TRAPPC10: variants seen among roughly 807,000 people sequenced by gnomAD.
TRAPPC10 encodes the protein trafficking protein particle complex subunit 10.
Under a neutral mutation model 125.5 loss-of-function variants are expected in TRAPPC10, and 23 were observed. The observed-to-expected ratio is 0.18, with a 90% confidence interval of 0.13 to 0.26. TRAPPC10 has a LOEUF of 0.26. TRAPPC10 is among the 10% of genes least tolerant of loss of function. The pLI is 1.00. For synonymous variants in TRAPPC10, 509 were observed against 518.0 expected (o/e 0.98, Z 0.24); for missense variants, 1,123 against 1,308.4 (o/e 0.86, Z 2.19).
At chr21:44,080,255 C>A in intron 13 of TRAPPC10, 128 bp downstream of exon 13, 3 of 772,518 alleles carry the variant, frequency 3.9e-6, no homozygotes, top group Non-Finnish European at 6.2e-6. Flanking sequence ...TGACATGTAT[C>A]TATGTCTTTC....
intron 3 of TRAPPC10, among the ~76,000 whole-genome samples, chr21:44,049,935 A>T (rs1354942462): frequency 1.3e-5 from 2 of 151,234 alleles, no homozygotes; most frequent in Non-Finnish European, 2.9e-5. Flanking sequence ...GATGGAATGC[A>T]GTGGCATGAT....
intron 1 of TRAPPC10, among the ~76,000 whole-genome samples, chr21:44,014,197 T>C (rs1465913918): frequency 6.6e-6 from 1 of 152,236 alleles, no homozygotes; most frequent in African/African-American, 2.4e-5. Context: ...CTAAGCTCTA[T>C]TGGATTCAAC....
intron 11 of TRAPPC10, 80 bp from the exon 12 acceptor site, chr21:44,079,484 G>A: frequency 2.0e-6 from 3 of 1,499,462 alleles, no homozygotes; most frequent in Non-Finnish European, 2.7e-6. Flanking sequence ...GAGGATGGAG[G>A]CCAAAGCGGG....
chr21:44,033,125 G>A (rs780487668), intron 2 of TRAPPC10, among the ~76,000 whole-genome samples: 32 of 152,200 alleles, frequency 2.1e-4, no homozygotes, highest in Non-Finnish European at 4.1e-4. Flanking sequence ...TTGTGTATAT[G>A]TAAATGTAAA....
intron 7 of TRAPPC10, among the ~76,000 whole-genome samples, chr21:44,069,503 G>T (rs993084578): frequency 6.6e-6 from 1 of 152,162 alleles, no homozygotes; most frequent in African/African-American, 2.4e-5. Flanking sequence ...GGCTTTCCTC[G>T]GGTATCAGTG....
intron 18 of TRAPPC10, 100 bp downstream of exon 18, chr21:44,090,033 GTCT>G: frequency 3.7e-6 from 3 of 802,136 alleles, no homozygotes; most frequent in Admixed American, 4.6e-5. Context: ...GACCAAGGAT[GTCT>G]TCTTATGTGA....
chr21:44,050,076 A>G (rs2035132933), intron 3 of TRAPPC10, among the ~76,000 whole-genome samples: 1 of 151,566 alleles, frequency 6.6e-6, no homozygotes, highest in African/African-American at 2.4e-5. Context: ...ATGGGATTTC[A>G]CTATTTGGCC....
At chr21:44,025,453 A>G (rs945708940) in intron 1 of TRAPPC10, among the ~76,000 whole-genome samples, 1 of 152,314 alleles carries the variant, frequency 6.6e-6, no homozygotes, top group African/African-American at 2.4e-5. Flanking sequence ...AAATGTATAC[A>G]CTGTTAAAGG....
chr21:44,017,373 G>A (rs774705101), intron 1 of TRAPPC10, among the ~76,000 whole-genome samples: 5 of 152,110 alleles, frequency 3.3e-5, no homozygotes, highest in Non-Finnish European at 4.4e-5. Context: ...GTTGAGAAGG[G>A]TGTGTAAAGC....
intron 7 of TRAPPC10, among the ~76,000 whole-genome samples, chr21:44,072,553 T>C (rs1446745560): frequency 6.6e-6 from 1 of 152,196 alleles, no homozygotes; most frequent in Non-Finnish European, 1.5e-5. Context: ...AACCTCCGCC[T>C]CCCGGGTTCA....
At chr21:44,079,969 A>G (rs201041898) in intron 12 of TRAPPC10, 46 bp from the exon 13 acceptor site, 1 of 1,533,308 alleles carries the variant, frequency 6.5e-7, no homozygotes, top group Middle Eastern at 1.7e-4. Context: ...TTCCCCCCGC[A>G]CTCCTAAGTA....
chr21:44,036,514 A>G (rs2033995224), intron 2 of TRAPPC10, among the ~76,000 whole-genome samples: 1 of 152,186 alleles, frequency 6.6e-6, no homozygotes, highest in Non-Finnish European at 1.5e-5. Context: ...ACTTCTGTGT[A>G]CAGAAAGCCA....
chr21:44,070,163 T>C (rs1303669149), intron 7 of TRAPPC10, among the ~76,000 whole-genome samples: 1 of 152,168 alleles, frequency 6.6e-6, no homozygotes, highest in Non-Finnish European at 1.5e-5. Context: ...AGGACTCATG[T>C]ACCTTCCAGT....
intron 7 of TRAPPC10, among the ~76,000 whole-genome samples, chr21:44,064,301 ATATGTGTGTGTGTG>A (rs1051266757): frequency 3.1e-4 from 43 of 138,642 alleles, no homozygotes; most frequent in African/African-American, 1.2e-3. Flanking sequence ...TATGTCATAA[ATATGTGTGTGTGTG>A]TGTGTGTGTG....
rs2037834887 is a variant in TRAPPC10, at chr21:44,082,636, G to A, written c.1724-152G>A. ...TGATACAATAGCCTTTGGGGGGTGT[G>A]AAGATGGCAGGAGGCTGGGCTCAGC... On this transcript the variant is annotated intron_variant, in intron 13 of 22. Transcript: ENST00000291574. The surrounding 1 kb of genome is among the most constrained non-coding windows in gnomAD (Gnocchi z 4.4). 6.5e-6 allele frequency: 5 copies of A among 771,836 alleles called. No homozygotes were observed. Among genetic ancestry groups the A allele is most frequent in the Non-Finnish European group, 1.1e-5 (5 of 466,818 alleles). The allele number at this position is 771,836 out of a possible 1,614,324, so 47.8% of individuals were successfully genotyped here. A position where few individuals can be genotyped will look rare whatever the true frequency, so the allele number is the denominator to read the frequency against.
intron 2 of TRAPPC10, among the ~76,000 whole-genome samples, chr21:44,035,209 G>T (rs1371268482): frequency 1.3e-5 from 2 of 152,176 alleles, no homozygotes; most frequent in Non-Finnish European, 2.9e-5. Flanking sequence ...TTATCAAAGT[G>T]AGCTCTCTTT....
chr21:44,067,343 G>A (rs2036525299), intron 7 of TRAPPC10, among the ~76,000 whole-genome samples: 1 of 152,184 alleles, frequency 6.6e-6, no homozygotes. Context: ...ATGTAGTGTG[G>A]GAATGTAGAT....
At chr21:44,053,055 G>T (rs928702446) in intron 4 of TRAPPC10, among the ~76,000 whole-genome samples, 1 of 151,948 alleles carries the variant, frequency 6.6e-6, no homozygotes, top group Non-Finnish European at 1.5e-5. Context: ...CTCTATAACC[G>T]ATGGTCTGTA....
chr21:44,050,944 G>A (rs775745673), intron 3 of TRAPPC10, among the ~76,000 whole-genome samples: 6 of 152,164 alleles, frequency 3.9e-5, no homozygotes, highest in South Asian at 4.2e-4. Flanking sequence ...TCGCTCTGTC[G>A]CCCAGGCTGG....
Sources: allele counts gnomAD v4.1 joint callset (sites outside exome capture counted in the v4.1 genomes callset), GRCh38; gene constraint gnomAD v4.1.1; non-coding constraint Gnocchi (gnomAD v3.1); transcripts MANE v1.5; gene names NCBI Gene and HGNC (gene_info 2026-07-23, HGNC 2026-07-21).